SHTN1: variants seen among roughly 807,000 people sequenced by gnomAD.
The protein encoded by SHTN1 is shootin-1.
SHTN1 carries 42 observed loss-of-function variants against 83.1 expected under a neutral mutation model. That is an observed-to-expected ratio of 0.51 (90% CI 0.39 to 0.65). The LOEUF is 0.65. Ranked by LOEUF, SHTN1 falls within the 30% of genes least tolerant of loss-of-function variation. The pLI is 0.00. For synonymous variants in SHTN1, 224 were observed against 247.7 expected (o/e 0.90, Z 0.90); for missense variants, 622 against 737.8 (o/e 0.84, Z 1.82).
In SHTN1 at chr10:117,043,434, C is replaced by CTA. The variant is rs548783389; in HGVS notation, c.-123+5009_-123+5010dup. ...GAGACCAATGGTGGTGATGGTTGTA[C>CTA]TACAATGTTAATATACTTAATGTCA... is the stretch of plus-strand genomic sequence containing the variant. On this transcript the variant is annotated intron_variant, in intron 2 of 17. Coordinates refer to the SHTN1 transcript ENST00000392901. 2.2e-4 allele frequency among the ~76,000 whole-genome samples: 34 copies of CTA among 152,266 alleles called. No homozygotes were observed. In the South Asian group the frequency reaches 6.6e-3, roughly 30 times the overall value.
At chr10:117,016,246 T>C (rs1490617703) in intron 2 of SHTN1, among the ~76,000 whole-genome samples, 2 of 152,084 alleles carry the variant, frequency 1.3e-5, no homozygotes, top group East Asian at 3.9e-4. Flanking sequence ...ACTAAGGTAG[T>C]TGTAGATGTT....
At chr10:116,980,072 A>AAAAAAAAAAC (rs1365180507) in intron 1 of SHTN1, among the ~76,000 whole-genome samples, 14 of 151,592 alleles carry the variant, frequency 9.2e-5, no homozygotes, top group Non-Finnish European at 1.8e-4. Context: ...CCTGCCCAGA[A>AAAAAAAAAAC]AAAAAAAACG....
At chr10:116,932,782 AAC>A (rs1382931750) in intron 9 of SHTN1, among the ~76,000 whole-genome samples, 1 of 152,222 alleles carries the variant, frequency 6.6e-6, no homozygotes, top group African/African-American at 2.4e-5. Context: ...CAAAGAGTAT[AAC>A]AGTTTTAGAA....
chr10:116,983,550 C>T (rs867592736), intron 1 of SHTN1, among the ~76,000 whole-genome samples: 2 of 152,008 alleles, frequency 1.3e-5, no homozygotes, highest in African/African-American at 2.4e-5. Flanking sequence ...AAATCACCTG[C>T]GGGGCTTTTA....
chr10:117,070,471 CT>C (rs1327735708), intron 1 of SHTN1, among the ~76,000 whole-genome samples: 2 of 152,054 alleles, frequency 1.3e-5, no homozygotes, highest in Non-Finnish European at 2.9e-5. Context: ...AGCAAAATAA[CT>C]GCCCAGAATT....
intron 4 of SHTN1, among the ~76,000 whole-genome samples, chr10:116,954,697 G>A (rs138301261): frequency 2.0e-5 from 3 of 152,092 alleles, no homozygotes; most frequent in Non-Finnish European, 2.9e-5. Flanking sequence ...TGGCCACAGC[G>A]AATTAGTCCA....
intron 9 of SHTN1, among the ~76,000 whole-genome samples, chr10:116,938,276 A>C (rs1387780440): frequency 6.6e-6 from 1 of 152,028 alleles, no homozygotes; most frequent in Non-Finnish European, 1.5e-5. Flanking sequence ...GCCTTTTTGC[A>C]CTAGTTTTTC....
At chr10:116,999,954 T>C (rs1038350336) in intron 1 of SHTN1, among the ~76,000 whole-genome samples, 1 of 151,982 alleles carries the variant, frequency 6.6e-6, no homozygotes, top group Admixed American at 6.6e-5. Context: ...ATTAAGGAAA[T>C]AGTGAAATTC....
intron 1 of SHTN1, among the ~76,000 whole-genome samples, chr10:117,109,719 C>T (rs181780756): frequency 5.2e-4 from 79 of 151,858 alleles, no homozygotes; most frequent in African/African-American, 1.8e-3. Context: ...AGTGCGCCAT[C>T]ATGCCTGGAT....
At position 116,979,155 on chromosome 10, in the gene SHTN1, C is replaced by A. The variant is rs1850921244; in HGVS notation, c.111+101G>T. ...GGAAGAAAAGAAAAGAAAAAAACAA[C>A]CCTCATTCACATTTAACTGAAATTG... is the stretch of plus-strand genomic sequence containing the variant. On this transcript the variant is annotated intron_variant, in intron 2 of 16. Coordinates refer to ENST00000355371, the MANE Select transcript of SHTN1 (RefSeq NM_001127211.3). 13 of 960,688 alleles carry A rather than the reference C, an allele frequency of 1.4e-5. No homozygotes were observed. The Admixed American group carries it at 2.2e-4, about 17-fold the overall frequency. 59.5% of individuals were successfully genotyped at this position (960,688 alleles called of 1,614,324 possible).
intron 12 of SHTN1, among the ~76,000 whole-genome samples, chr10:116,920,969 CTTT>C (rs1848542584): frequency 6.6e-6 from 1 of 152,212 alleles, no homozygotes; most frequent in African/African-American, 2.4e-5. Context: ...GTGTACTCCT[CTTT>C]AATTGTATTT....
chr10:117,005,142 G>C lies in SHTN1; in HGVS notation c.-63C>G. 1 of 1,555,626 alleles carries C rather than the reference G, an allele frequency of 6.4e-7. No homozygotes were observed. The highest frequency in any genetic ancestry group is 1.2e-5 in the South Asian group (1 of 84,538). On this transcript the variant is annotated 5_prime_UTR_variant, in exon 1 of 17. Transcript: ENST00000355371. ...AGCGGCGCGGGGCACACAGGAGGAGGGGGAAGAAAAAGCAAGATGCCGGTG... is the reference window on the plus strand; with the variant it reads ...AGCGGCGCGGGGCACACAGGAGGAGCGGGAAGAAAAAGCAAGATGCCGGTG...
rs559213200 is a variant in SHTN1, at chr10:116,956,505, G to A, written c.268-2295C>T. ...AACTGCCACACAGTAAAACTTCAGT[G>A]TTAGTTATTCATAGTAAGAAGAGGT... is the stretch of plus-strand genomic sequence containing the variant. On this transcript the variant is annotated intron_variant, in intron 4 of 16. Coordinates refer to ENST00000355371, the MANE Select transcript of SHTN1 (RefSeq NM_001127211.3). 3.9e-5 allele frequency among the ~76,000 whole-genome samples: 6 copies of A among 152,268 alleles called. No homozygotes were observed. In the South Asian group the frequency reaches 6.2e-4, roughly 16 times the overall value.
intron 1 of SHTN1, among the ~76,000 whole-genome samples, chr10:116,983,731 TAC>T (rs1851131063): frequency 6.6e-6 from 1 of 151,268 alleles, no homozygotes; most frequent in African/African-American, 2.4e-5. Flanking sequence ...TACATGCATA[TAC>T]ACACACTCAC....
chr10:117,059,980 G>A lies in SHTN1; in HGVS notation c.-188-11470C>T, dbSNP rs1373928347. 2.6e-5 allele frequency among the ~76,000 whole-genome samples: 4 copies of A among 152,176 alleles called. No homozygotes were observed. The South Asian group carries it at 6.2e-4, about 24-fold the overall frequency. On this transcript the variant is annotated intron_variant, in intron 1 of 17. Transcript: ENST00000392901. ...AATCCCAACACTTTGGGAGGCCAAC[G>A]TGGGAGGATCTCTTGAGGCCAAGAG...
At chr10:117,012,361 A>G (rs1255124928) in intron 2 of SHTN1, among the ~76,000 whole-genome samples, 2 of 152,172 alleles carry the variant, frequency 1.3e-5, no homozygotes, top group Non-Finnish European at 2.9e-5. Flanking sequence ...CTGATTTCCA[A>G]GACTAACTAT....
intron 1 of SHTN1, among the ~76,000 whole-genome samples, chr10:116,999,311 A>G (rs1394093241): frequency 6.6e-6 from 1 of 152,230 alleles, no homozygotes; most frequent in Non-Finnish European, 1.5e-5. Flanking sequence ...ACATACAAAC[A>G]CAATTTCTGG....
chr10:117,048,549 A>G (rs1852699491), intron 1 of SHTN1: 2 of 831,894 alleles, frequency 2.4e-6, no homozygotes, highest in African/African-American at 1.8e-5. Context: ...ATTCTAAAAT[A>G]CTGTAATTAC....
At chr10:117,057,142 T>A (rs1477336717) in intron 1 of SHTN1, among the ~76,000 whole-genome samples, 1 of 152,054 alleles carries the variant, frequency 6.6e-6, no homozygotes, top group African/African-American at 2.4e-5. Context: ...TCAAAAAAAA[T>A]CTAGAACTAA....
Sources: gnomAD v4.1 joint callset for allele counts (sites outside exome capture counted in the v4.1 genomes callset) on GRCh38, gnomAD v4.1.1 for gene constraint, MANE v1.5 for transcripts, NCBI Gene and HGNC (gene_info 2026-07-23, HGNC 2026-07-21) for gene names.